LIN28B: variants seen among roughly 807,000 people sequenced by gnomAD.
The protein encoded by LIN28B is lin-28 RNA binding posttranscriptional regulator B, also known as protein lin-28 homolog B.
LIN28B carries 5 observed loss-of-function variants against 21.9 expected under a neutral mutation model. The ratio of observed to expected loss-of-function variants is 0.23; its 90% confidence interval spans 0.12 to 0.48. The LOEUF is 0.48. Ranked by LOEUF, LIN28B falls within the 20% of genes least tolerant of loss-of-function variation. LIN28B has a pLI of 0.98. For missense variants in LIN28B, 245 were observed against 310.5 expected, an observed-to-expected ratio of 0.79 and a Z score of 1.58; for synonymous variants, 109 against 111.3, an observed-to-expected ratio of 0.98 and a Z score of 0.13.
At chr6:104,946,753 GAC>G (rs1778160680) in intron 2 of LIN28B, among the ~76,000 whole-genome samples, 1 of 152,084 alleles carries the variant, frequency 6.6e-6, no homozygotes, top group South Asian at 2.1e-4. Flanking sequence ...AGTGATAGTT[GAC>G]ACATACTATA....
chr6:104,988,901 C>T (rs1770403499), intron 2 of LIN28B, among the ~76,000 whole-genome samples: 1 of 152,038 alleles, frequency 6.6e-6, no homozygotes, highest in Non-Finnish European at 1.5e-5. Flanking sequence ...TTCTTTTCTT[C>T]CCATGTCAAC....
chr6:105,005,164 G>A (rs1354941402), intron 2 of LIN28B, among the ~76,000 whole-genome samples: 8 of 152,112 alleles, frequency 5.3e-5, no homozygotes, highest in Non-Finnish European at 8.8e-5. Flanking sequence ...TCTGGTGTTC[G>A]CTGTTGCTGT....
chr6:104,995,006 C>A (rs1222742621), intron 2 of LIN28B, among the ~76,000 whole-genome samples: 1 of 152,140 alleles, frequency 6.6e-6, no homozygotes, highest in Non-Finnish European at 1.5e-5. Flanking sequence ...AACTTACTGT[C>A]CAAAGGAAAT....
At chr6:105,009,389 A>G (rs1240448515) in intron 2 of LIN28B, among the ~76,000 whole-genome samples, 1 of 152,200 alleles carries the variant, frequency 6.6e-6, no homozygotes, top group Non-Finnish European at 1.5e-5. Context: ...AAGATAGAAC[A>G]GTTTCAAAAT....
At chr6:105,029,125 G>T (rs982103199) in intron 3 of LIN28B, among the ~76,000 whole-genome samples, 1 of 152,212 alleles carries the variant, frequency 6.6e-6, no homozygotes, top group Non-Finnish European at 1.5e-5. Flanking sequence ...ACTGGTGGGG[G>T]TGAAAGCCTT....
intron 2 of LIN28B, among the ~76,000 whole-genome samples, chr6:104,942,550 A>T (rs530205258): frequency 2.0e-5 from 3 of 152,090 alleles, no homozygotes; most frequent in African/African-American, 7.2e-5. Flanking sequence ...GTGAATTTGC[A>T]TAGATTTTAT....
intron 2 of LIN28B, among the ~76,000 whole-genome samples, chr6:104,977,619 GT>G (rs1166174646): frequency 6.6e-6 from 1 of 152,066 alleles, no homozygotes; most frequent in Non-Finnish European, 1.5e-5. Context: ...CCAGGCTGGA[GT>G]GCAATAGTGT....
In LIN28B at chr6:104,992,365, A is replaced by G. The variant is rs139587229; in HGVS notation, c.199-33933A>G. On this transcript the variant is annotated intron_variant, in intron 2 of 3. Coordinates refer to ENST00000345080, the MANE Select transcript of LIN28B (RefSeq NM_001004317.4). ...AGCCACTGCGCCTGGCCTCATTTAC[A>G]TCTTATGTAACAATTAATATTACTT... 1.4e-3 allele frequency among the ~76,000 whole-genome samples: 215 copies of G among 151,760 alleles called. 1 individual carries two copies. Among genetic ancestry groups the G allele is most frequent in the African/African-American group, 5.0e-3 (205 of 41,406 alleles).
chr6:104,986,729 A>C (rs1340377481), intron 2 of LIN28B, among the ~76,000 whole-genome samples: 1 of 152,182 alleles, frequency 6.6e-6, no homozygotes, highest in Non-Finnish European at 1.5e-5. Flanking sequence ...AGAATACAAA[A>C]CATTGCTCCA....
intron 3 of LIN28B, among the ~76,000 whole-genome samples, chr6:105,063,334 T>A (rs1436552708): frequency 6.6e-6 from 1 of 152,110 alleles, no homozygotes; most frequent in Non-Finnish European, 1.5e-5. Context: ...AGAAAAAGAT[T>A]ATAAAAAACA....
At position 104,993,083 on chromosome 6, in the gene LIN28B, TG is replaced by T. The variant is rs978832007; in HGVS notation, c.199-33214del. On this transcript the variant is annotated intron_variant, in intron 2 of 3. Coordinates refer to ENST00000345080, the MANE Select transcript of LIN28B (RefSeq NM_001004317.4). ...TTTTCTTACTCTGAGATTATTAAAC[TG>T]TTTTTTTATCTTATTTTTAAAGCTT... Among the ~76,000 whole-genome samples the T allele has an allele frequency of 3.9e-5, 6 of 152,320 alleles. No homozygotes were observed. The East Asian group carries it at 5.8e-4, about 15-fold the overall frequency.
intron 3 of LIN28B, among the ~76,000 whole-genome samples, chr6:105,027,478 A>G (rs1296135050): frequency 1.3e-5 from 2 of 151,776 alleles, no homozygotes; most frequent in South Asian, 4.1e-4. Flanking sequence ...ACCATTTTCT[A>G]TTGAGATGTT....
chr6:104,974,766 T>C (rs1770051346), intron 2 of LIN28B, among the ~76,000 whole-genome samples: 1 of 151,898 alleles, frequency 6.6e-6, no homozygotes, highest in African/African-American at 2.4e-5. Flanking sequence ...AAATAAATAT[T>C]GCATAAAACT....
chr6:105,046,931 G>T (rs1771780434), intron 3 of LIN28B, among the ~76,000 whole-genome samples: 1 of 152,086 alleles, frequency 6.6e-6, no homozygotes, highest in Non-Finnish European at 1.5e-5. Flanking sequence ...TTTGTCAGAT[G>T]AGTAGATTGC....
In LIN28B at chr6:105,081,221, CT is replaced by C. The variant is rs1334429295; in HGVS notation, c.*2441del. ...TCAAAACAAACCAAATAACTTATACCTTTATATAAGTATTATGTACTGATGA... is the reference window on the plus strand; with the variant it reads ...TCAAAACAAACCAAATAACTTATACCTTATATAAGTATTATGTACTGATGA... On this transcript the variant is annotated 3_prime_UTR_variant, in exon 4 of 4. Coordinates refer to ENST00000345080, the MANE Select transcript of LIN28B (RefSeq NM_001004317.4). The C allele has an allele frequency of 1.3e-5, 2 of 152,540 alleles. No homozygotes were observed. The highest frequency in any genetic ancestry group is 2.9e-5 in the Non-Finnish European group (2 of 68,026). The allele number at this position is 152,540 out of a possible 1,614,324, so 9.4% of individuals were successfully genotyped here. A position where few individuals can be genotyped will look rare whatever the true frequency, so the allele number is the denominator to read the frequency against.
chr6:104,963,756 A>C (rs1292569142), intron 2 of LIN28B, among the ~76,000 whole-genome samples: 1 of 152,204 alleles, frequency 6.6e-6, no homozygotes, highest in African/African-American at 2.4e-5. Flanking sequence ...CACAGAGTCC[A>C]TAGTTTATAT....
At chr6:104,955,466 A>G (rs1778273529), upstream of LIN28B, among the ~76,000 whole-genome samples, 2 of 152,234 alleles carry the variant, frequency 1.3e-5, no homozygotes, top group Admixed American at 1.3e-4. Context: ...ACCTTTTATC[A>G]AAAACAGCTG....
At chr6:105,005,346 C>T (rs1770795327) in intron 2 of LIN28B, among the ~76,000 whole-genome samples, 1 of 151,920 alleles carries the variant, frequency 6.6e-6, no homozygotes, top group Non-Finnish European at 1.5e-5. Context: ...TGACTTGATC[C>T]TTTAATTGTG....
intron 2 of LIN28B, among the ~76,000 whole-genome samples, chr6:104,959,425 C>T (rs969292725): frequency 2.6e-5 from 4 of 152,024 alleles, no homozygotes; most frequent in African/African-American, 7.2e-5. Flanking sequence ...TATTTATACC[C>T]CCTTCCCTAA....
Sources: gnomAD v4.1 joint callset for allele counts (sites outside exome capture counted in the v4.1 genomes callset) on GRCh38, gnomAD v4.1.1 for gene constraint, MANE v1.5 for transcripts, NCBI Gene and HGNC (gene_info 2026-07-23, HGNC 2026-07-21) for gene names.